The following TBC1D32 variants were observed in gnomAD, a reference collection of about 807,000 sequenced individuals.
The protein encoded by TBC1D32 is protein broad-minded.
Under a neutral mutation model 170.3 loss-of-function variants are expected in TBC1D32, and 151 were observed. The observed-to-expected ratio is 0.89, with a 90% CI of 0.78 to 1.01. TBC1D32 has a LOEUF of 1.01. TBC1D32 is among the 50% of genes least tolerant of loss of function. The pLI is 0.00. For missense variants in TBC1D32, 1,464 were observed against 1,457.1 expected, an observed-to-expected ratio of 1.00 and a Z score of -0.08; for synonymous variants, 498 against 488.0, an observed-to-expected ratio of 1.02 and a Z score of -0.27.
Position 121,178,433 on chromosome 6 carries a change from C to T in TBC1D32, c.2571-17377G>A, listed in dbSNP as rs535349210. Among the ~76,000 whole-genome samples, 19 of 152,094 alleles carry T rather than the reference C, an allele frequency of 1.2e-4. No individual in the cohort carries two copies. The South Asian group carries it at 1.7e-3, about 13-fold the overall frequency. Reference sequence around the variant, plus strand: ...ATGGGATCACTACAGCTGCTATGCACGTAATAGGCTAAAATTAGCTAGGAG... The same window carrying T: ...ATGGGATCACTACAGCTGCTATGCATGTAATAGGCTAAAATTAGCTAGGAG... On this transcript the variant is annotated intron_variant, in intron 22 of 31. Coordinates refer to ENST00000398212, the MANE Select transcript of TBC1D32 (RefSeq NM_152730.6).
At chr6:121,261,026 C>T (rs1270746995) in intron 15 of TBC1D32, among the ~76,000 whole-genome samples, 4 of 152,232 alleles carry the variant, frequency 2.6e-5, no homozygotes. Context: ...AGATCTTGGC[C>T]AGATTGCCTC....
At chr6:121,158,333 G>A (rs1351121509) in intron 24 of TBC1D32, among the ~76,000 whole-genome samples, 1 of 152,114 alleles carries the variant, frequency 6.6e-6, no homozygotes, top group African/African-American at 2.4e-5. Context: ...TTCTTAAGGT[G>A]AATTATTCAA....
At chr6:121,094,351 G>C (rs1460230780) in intron 30 of TBC1D32, among the ~76,000 whole-genome samples, 3 of 151,940 alleles carry the variant, frequency 2.0e-5, no homozygotes, top group African/African-American at 7.3e-5. Context: ...ACTTTTAGTA[G>C]AGACAGGGTT....
intron 15 of TBC1D32, among the ~76,000 whole-genome samples, chr6:121,272,540 A>G (rs1563179648): frequency 1.3e-5 from 2 of 152,174 alleles, no homozygotes; most frequent in African/African-American, 2.4e-5. Context: ...AGAGAAATGC[A>G]AATCAAAACC....
At chr6:121,147,471 C>A (rs1457051737) in intron 24 of TBC1D32, among the ~76,000 whole-genome samples, 1 of 152,116 alleles carries the variant, frequency 6.6e-6, no homozygotes, top group South Asian at 2.1e-4. Flanking sequence ...GGAAGCCCTG[C>A]CAACATCTGT....
chr6:121,149,975 C>G (rs573321998), intron 24 of TBC1D32, among the ~76,000 whole-genome samples: 10 of 152,038 alleles, frequency 6.6e-5, no homozygotes, highest in South Asian at 2.1e-4. Context: ...TCCTTCACAT[C>G]CCTTGTAAGT....
upstream of TBC1D32, chr6:121,334,528 T>G (rs935500088): frequency 2.8e-6 from 4 of 1,408,986 alleles, no homozygotes; most frequent in African/African-American, 2.9e-5. Flanking sequence ...CCCGGCTACG[T>G]GCGGCGTCGT....
intron 17 of TBC1D32, among the ~76,000 whole-genome samples, chr6:121,253,281 T>G (rs1002061788): frequency 1.3e-5 from 2 of 151,240 alleles, no homozygotes; most frequent in Middle Eastern, 3.4e-3. Context: ...ATAATCTCAT[T>G]AAAAAGTGGG....
intron 10 of TBC1D32, among the ~76,000 whole-genome samples, chr6:121,296,446 T>A (rs1805658579): frequency 6.6e-6 from 1 of 152,118 alleles, no homozygotes; most frequent in Non-Finnish European, 1.5e-5. Context: ...ATTTCAAATA[T>A]GATTAAACCT....
intron 24 of TBC1D32, among the ~76,000 whole-genome samples, chr6:121,157,491 G>A (rs181524375): frequency 1.3e-5 from 2 of 152,144 alleles, no homozygotes; most frequent in East Asian, 3.9e-4. Flanking sequence ...GGGGTGTTTA[G>A]GCCAGTTACA....
chr6:121,334,006 G>T lies in TBC1D32; in HGVS notation c.155+270C>A, dbSNP rs543389349. Among the ~76,000 whole-genome samples, 514 of 152,302 alleles carry T rather than the reference G, an allele frequency of 3.4e-3. 1 individual carries two copies. The highest frequency in any genetic ancestry group is 5.1e-3 in the Non-Finnish European group (350 of 68,028). On this transcript the variant is annotated intron_variant, in intron 1 of 31. Transcript: ENST00000398212. ...CGCTTGAACCCGGGAGGCGGAGGTT[G>T]TAGTGAGCGGAGATCGAGCCATTAC...
intron 22 of TBC1D32, among the ~76,000 whole-genome samples, chr6:121,187,735 G>A (rs147619977): frequency 8.0e-6 from 1 of 125,554 alleles, no homozygotes; most frequent in Non-Finnish European, 1.6e-5. Context: ...GAAATCCCAT[G>A]AAGGCTGATG....
intron 15 of TBC1D32, among the ~76,000 whole-genome samples, chr6:121,272,427 C>G (rs1280336583): frequency 6.6e-6 from 1 of 152,026 alleles, no homozygotes; most frequent in African/African-American, 2.4e-5. Context: ...AAACAAACAA[C>G]CCCATCAAAA....
At chr6:121,184,036 A>C (rs916804196) in intron 22 of TBC1D32, among the ~76,000 whole-genome samples, 1 of 152,124 alleles carries the variant, frequency 6.6e-6, no homozygotes, top group Admixed American at 6.6e-5. Flanking sequence ...ATGTAACAAA[A>C]GACATCATCA....
intron 21 of TBC1D32, among the ~76,000 whole-genome samples, chr6:121,210,509 C>CATGCTTCTAGATTA (rs1792896224): frequency 6.6e-6 from 1 of 152,138 alleles, no homozygotes; most frequent in South Asian, 2.1e-4. Flanking sequence ...TACCTTTCAA[C>CATGCTTCTAGATTA]CCAGTAATCA....
chr6:121,137,138 C>T (rs192152025), intron 24 of TBC1D32, among the ~76,000 whole-genome samples: 1 of 152,008 alleles, frequency 6.6e-6, no homozygotes, highest in Non-Finnish European at 1.5e-5. Context: ...ATGAAATGAA[C>T]ATTCACTTCT....
intron 24 of TBC1D32, among the ~76,000 whole-genome samples, chr6:121,152,878 G>A (rs944057806): frequency 6.6e-6 from 1 of 152,024 alleles, no homozygotes; most frequent in African/African-American, 2.4e-5. Context: ...TCTCTTAACT[G>A]GTTAGTCTAG....
intron 12 of TBC1D32, among the ~76,000 whole-genome samples, chr6:121,291,149 T>C (rs998524629): frequency 7.2e-6 from 1 of 139,788 alleles, no homozygotes; most frequent in Non-Finnish European, 1.6e-5. Context: ...TAAAGTATAA[T>C]AAAAAAAAAA....
intron 20 of TBC1D32, among the ~76,000 whole-genome samples, chr6:121,236,076 C>A (rs554930844): frequency 5.4e-5 from 8 of 148,330 alleles, no homozygotes; most frequent in Non-Finnish European, 7.5e-5. Context: ...ATTTCCTGTT[C>A]TTTTATTCTT....
Sources: gnomAD v4.1 joint callset for allele counts (sites outside exome capture counted in the v4.1 genomes callset) on GRCh38, gnomAD v4.1.1 for gene constraint, MANE v1.5 for transcripts, NCBI Gene and HGNC (gene_info 2026-07-23, HGNC 2026-07-21) for gene names.